STXBP5L: variants seen among roughly 807,000 people sequenced by gnomAD.
STXBP5L encodes syntaxin-binding protein 5-like.
In STXBP5L, 65 loss-of-function variants were observed where a neutral mutation model predicts 144.5. The ratio of observed to expected loss-of-function variants is 0.45; its 90% CI spans 0.37 to 0.55. The LOEUF is 0.55. Ranked by LOEUF, STXBP5L falls within the 20% of genes least tolerant of loss-of-function variation. The pLI is 0.00. For synonymous variants in STXBP5L, 505 were observed against 469.6 expected, an observed-to-expected ratio of 1.08 and a Z score of -0.97; for missense variants, 1,298 against 1,405.5, an observed-to-expected ratio of 0.92 and a Z score of 1.22.
chr3:121,157,473 C>T (rs2046158595), intron 8 of STXBP5L, 31 bp from the exon 9 acceptor site: 3 of 1,538,108 alleles, frequency 2.0e-6, no homozygotes, highest in South Asian at 1.3e-5. Context: ...CTTTTTTCCC[C>T]CTCTACTTGT....
intron 24 of STXBP5L, among the ~76,000 whole-genome samples, chr3:121,415,629 A>G (rs2047214218): frequency 6.6e-6 from 1 of 152,136 alleles, no homozygotes; most frequent in South Asian, 2.1e-4. Context: ...GATGGAAGGA[A>G]GAAGAGAAGA....
At chr3:121,068,905 T>A (rs2107654593) in intron 5 of STXBP5L, among the ~76,000 whole-genome samples, 1 of 152,338 alleles carries the variant, frequency 6.6e-6, no homozygotes, top group East Asian at 1.9e-4. Context: ...AAATACTTTT[T>A]TATTTCATAA....
At chr3:120,969,348 G>T (rs1466322388) in intron 3 of STXBP5L, among the ~76,000 whole-genome samples, 1 of 149,106 alleles carries the variant, frequency 6.7e-6, no homozygotes, top group African/African-American at 2.5e-5. Flanking sequence ...TCTTTTTTGA[G>T]AATTATCTAT....
At chr3:121,057,526 C>G (rs1223621497) in intron 5 of STXBP5L, among the ~76,000 whole-genome samples, 4 of 151,872 alleles carry the variant, frequency 2.6e-5, no homozygotes, top group Non-Finnish European at 4.4e-5. Context: ...ATTTCCAACT[C>G]TATAGATTAA....
intron 9 of STXBP5L, among the ~76,000 whole-genome samples, chr3:121,203,766 G>C (rs570908270): frequency 1.3e-5 from 2 of 152,262 alleles, no homozygotes; most frequent in East Asian, 3.9e-4. Context: ...ACAAACAACT[G>C]CAAATATACT....
chr3:121,362,119 C>T (rs748348015), intron 20 of STXBP5L, among the ~76,000 whole-genome samples: 14 of 152,218 alleles, frequency 9.2e-5, no homozygotes, highest in Admixed American at 2.0e-4. Context: ...TTATTCTTTA[C>T]TTACTTTCTC....
intron 20 of STXBP5L, among the ~76,000 whole-genome samples, chr3:121,366,200 T>C (rs2045860531): frequency 6.6e-6 from 1 of 151,982 alleles, no homozygotes; most frequent in African/African-American, 2.4e-5. Flanking sequence ...TCCTGGAGGA[T>C]GTCTCATGTG....
At chr3:121,389,242 T>G (rs983765573) in intron 22 of STXBP5L, among the ~76,000 whole-genome samples, 1 of 152,216 alleles carries the variant, frequency 6.6e-6, no homozygotes, top group African/African-American at 2.4e-5. Context: ...TGATATCCCT[T>G]TTATCATTTT....
intron 5 of STXBP5L, among the ~76,000 whole-genome samples, chr3:121,074,263 A>T (rs912962177): frequency 1.3e-5 from 2 of 152,176 alleles, no homozygotes; most frequent in South Asian, 4.1e-4. Flanking sequence ...CATGTAAACC[A>T]AGCAGCATCC....
chr3:121,274,348 A>G (rs1157918823), intron 18 of STXBP5L, among the ~76,000 whole-genome samples: 1 of 152,254 alleles, frequency 6.6e-6, no homozygotes, highest in East Asian at 1.9e-4. Flanking sequence ...CAGTGTTGGC[A>G]AATACTGCAG....
intron 14 of STXBP5L, among the ~76,000 whole-genome samples, chr3:121,246,327 AG>A (rs775768927): frequency 2.8e-4 from 42 of 152,308 alleles, no homozygotes; most frequent in Admixed American, 2.0e-3. Flanking sequence ...TCTGTGGAAA[AG>A]TTGTTTTCCA....
At chr3:120,918,305 A>G (rs888297877) in intron 2 of STXBP5L, among the ~76,000 whole-genome samples, 2 of 152,164 alleles carry the variant, frequency 1.3e-5, no homozygotes, top group African/African-American at 4.8e-5. Flanking sequence ...CCTCTGCCAT[A>G]TAAGCTAACA....
At chr3:121,395,067 A>G (rs1478091731) in intron 22 of STXBP5L, among the ~76,000 whole-genome samples, 2 of 152,166 alleles carry the variant, frequency 1.3e-5, no homozygotes, top group Non-Finnish European at 1.5e-5. Flanking sequence ...AAAATCTATT[A>G]TCATTCTTTG....
At chr3:121,322,991 T>C (rs1235420846) in intron 20 of STXBP5L, among the ~76,000 whole-genome samples, 2 of 152,234 alleles carry the variant, frequency 1.3e-5, no homozygotes, top group Non-Finnish European at 2.9e-5. Flanking sequence ...GCTTGTGTCT[T>C]CTTTTGAGAA....
At chr3:121,129,093 G>A (rs1340092606) in intron 7 of STXBP5L, among the ~76,000 whole-genome samples, 1 of 152,054 alleles carries the variant, frequency 6.6e-6, no homozygotes, top group Non-Finnish European at 1.5e-5. Flanking sequence ...TAAATACCCA[G>A]TTGATAGACG....
In STXBP5L at chr3:121,020,509, G is replaced by T. The variant is rs527937739; in HGVS notation, c.288-21191G>T. Among the ~76,000 whole-genome samples the T allele has an allele frequency of 1.1e-4, 16 of 152,230 alleles. 1 individual carries two copies. The South Asian group carries it at 3.3e-3, about 32-fold the overall frequency. On this transcript the variant is annotated intron_variant, in intron 3 of 26. Transcript: ENST00000471454. ...AGGAAATAATCTTAAGAGCTGTGAG[G>T]CAAAAGCATCAAGTAACCTATAAAG...
chr3:121,338,100 G>A (rs1401393827), intron 20 of STXBP5L, among the ~76,000 whole-genome samples: 2 of 152,072 alleles, frequency 1.3e-5, no homozygotes, highest in African/African-American at 4.8e-5. Flanking sequence ...ACATCAAAAA[G>A]TCTGAAATGA....
intron 3 of STXBP5L, among the ~76,000 whole-genome samples, chr3:120,989,987 G>A (rs1274787429): frequency 2.0e-5 from 3 of 152,074 alleles, no homozygotes; most frequent in Non-Finnish European, 4.4e-5. Flanking sequence ...GAAATAAAGG[G>A]TATTCAATTA....
At chr3:121,348,708 T>G (rs1014596500) in intron 20 of STXBP5L, among the ~76,000 whole-genome samples, 4 of 152,112 alleles carry the variant, frequency 2.6e-5, no homozygotes, top group Non-Finnish European at 5.9e-5. Context: ...GTCGAGGAAT[T>G]TATCCATTTC....
Sources: gnomAD v4.1 joint callset for allele counts (sites outside exome capture counted in the v4.1 genomes callset) on GRCh38, gnomAD v4.1.1 for gene constraint, MANE v1.5 for transcripts, NCBI Gene and HGNC (gene_info 2026-07-23, HGNC 2026-07-21) for gene names.